NELL1: variants seen among roughly 807,000 people sequenced by gnomAD.
NELL1 encodes protein kinase C-binding protein NELL1.
A neutral mutation model predicts 107.4 loss-of-function variants in NELL1; 76 were observed. The ratio of observed to expected loss-of-function variants is 0.71; its 90% CI spans 0.59 to 0.86. The LOEUF (loss-of-function observed/expected upper bound fraction) is 0.86, where lower values mean the gene tolerates loss of function less well. Ranked by LOEUF, NELL1 falls within the 40% of genes least tolerant of loss-of-function variation. The pLI, the probability that NELL1 is intolerant of heterozygous loss-of-function variation, is 0.00. For missense variants in NELL1, 1,024 were observed against 1,005.5 expected (o/e 1.02, Z -0.25); for synonymous variants, 353 against 341.2 (o/e 1.03, Z -0.38).
At chr11:21,174,622 G>C (rs1273150841) in intron 13 of NELL1, among the ~76,000 whole-genome samples, 2 of 151,698 alleles carry the variant, frequency 1.3e-5, no homozygotes, top group African/African-American at 4.9e-5. Context: ...TGGGAGTATG[G>C]GACATTGTGA....
intron 2 of NELL1, among the ~76,000 whole-genome samples, chr11:20,722,229 C>T (rs1435629908): frequency 6.6e-6 from 1 of 152,000 alleles, no homozygotes; most frequent in African/African-American, 2.4e-5. Context: ...CTGTGTTGGC[C>T]AGGCTGGTCT....
At chr11:21,376,684 A>G (rs1851489317) in intron 15 of NELL1, among the ~76,000 whole-genome samples, 1 of 152,110 alleles carries the variant, frequency 6.6e-6, no homozygotes, top group African/African-American at 2.4e-5. Flanking sequence ...ATCCATGAGC[A>G]TGGAATGTTT....
intron 11 of NELL1, among the ~76,000 whole-genome samples, chr11:20,955,328 C>T (rs1249635871): frequency 6.6e-6 from 1 of 152,134 alleles, no homozygotes; most frequent in African/African-American, 2.4e-5. Context: ...CTCATCTAGG[C>T]CTATGCATCT....
In NELL1 at chr11:20,690,447, A is replaced by G. The variant is rs1340220558; in HGVS notation, c.184+12387A>G. On this transcript the variant is annotated intron_variant, in intron 2 of 19. Transcript: ENST00000357134. ...TGTTTAAGTCTTTAATCCATCTTGA[A>G]TTAATTTTTGTATAAGGTGTAAGGA... Among the ~76,000 whole-genome samples the G allele has an allele frequency of 2.6e-5, 4 of 151,956 alleles. No individual in the cohort carries two copies. In the East Asian group the frequency reaches 7.7e-4, roughly 29 times the overall value.
At chr11:20,726,296 A>T (rs1312572556) in intron 2 of NELL1, among the ~76,000 whole-genome samples, 1 of 152,174 alleles carries the variant, frequency 6.6e-6, no homozygotes, top group African/African-American at 2.4e-5. Context: ...TTTTTTTATT[A>T]AAAATATTTT....
chr11:21,564,032 G>C, intron 17 of NELL1, among the ~76,000 whole-genome samples: 1 of 151,936 alleles, frequency 6.6e-6, no homozygotes, highest in East Asian at 2.0e-4. Flanking sequence ...TGAGCCAGGA[G>C]ATTATGATGA....
intron 15 of NELL1, among the ~76,000 whole-genome samples, chr11:21,447,563 G>A (rs1446131696): frequency 6.6e-6 from 1 of 152,176 alleles, no homozygotes. Flanking sequence ...ATCCTACTGA[G>A]GCTGAGCTGG....
intron 12 of NELL1, among the ~76,000 whole-genome samples, chr11:21,031,299 C>A (rs1852950838): frequency 6.6e-6 from 1 of 152,192 alleles, no homozygotes; most frequent in Non-Finnish European, 1.5e-5. Flanking sequence ...AAATCCCTGA[C>A]TGTTCCCTTT....
At chr11:21,073,412 G>T (rs116411174) in intron 12 of NELL1, among the ~76,000 whole-genome samples, 1,687 of 152,228 alleles carry the variant, frequency 0.011, 25 homozygotes, top group African/African-American at 0.036. Flanking sequence ...GGGAATCTAT[G>T]GTTGGATATA....
At chr11:20,734,548 T>G (rs1383107898) in intron 2 of NELL1, among the ~76,000 whole-genome samples, 1 of 152,148 alleles carries the variant, frequency 6.6e-6, no homozygotes, top group East Asian at 1.9e-4. Context: ...TTGGATGTGA[T>G]GGATTGGATA....
chr11:21,342,162 T>A (rs1276556528), intron 14 of NELL1, among the ~76,000 whole-genome samples: 12 of 152,178 alleles, frequency 7.9e-5, no homozygotes, highest in Admixed American at 3.3e-4. Context: ...AAACCCTCAT[T>A]CCTGGTTGGA....
chr11:21,169,913 G>A, intron 13 of NELL1: 5 of 1,463,616 alleles, frequency 3.4e-6, no homozygotes, highest in South Asian at 1.2e-5. Flanking sequence ...GTCCACCGAT[G>A]CCTTTTATGG....
At chr11:21,037,428 A>C (rs1853122806) in intron 12 of NELL1, among the ~76,000 whole-genome samples, 1 of 152,002 alleles carries the variant, frequency 6.6e-6, no homozygotes. Context: ...GCCTGTGCTT[A>C]TACAATTCTA....
intron 15 of NELL1, among the ~76,000 whole-genome samples, chr11:21,400,917 A>G (rs1852082715): frequency 6.6e-6 from 1 of 151,904 alleles, no homozygotes; most frequent in African/African-American, 2.4e-5. Flanking sequence ...GAGAGGAGCC[A>G]GGGAAGGGGG....
intron 15 of NELL1, among the ~76,000 whole-genome samples, chr11:21,516,748 C>T (rs1056424600): frequency 1.4e-5 from 2 of 144,510 alleles, no homozygotes; most frequent in East Asian, 4.6e-4. Flanking sequence ...CATACACACA[C>T]ACACACACAC....
intron 15 of NELL1, among the ~76,000 whole-genome samples, chr11:21,505,075 C>T (rs1198111171): frequency 1.3e-5 from 2 of 152,118 alleles, no homozygotes; most frequent in Non-Finnish European, 2.9e-5. Context: ...TTTACTTCTT[C>T]ATTGCTGTGG....
intron 14 of NELL1, among the ~76,000 whole-genome samples, chr11:21,352,058 TG>T (rs1850830395): frequency 6.6e-6 from 1 of 152,174 alleles, no homozygotes; most frequent in South Asian, 2.1e-4. Context: ...GAAGCCTTTA[TG>T]CTAAGCTATT....
intron 15 of NELL1, among the ~76,000 whole-genome samples, chr11:21,502,444 A>C (rs1590985177): frequency 1.3e-5 from 2 of 152,324 alleles, no homozygotes; most frequent in East Asian, 3.9e-4. Context: ...CCTGATTGTT[A>C]GGAACTTTCT....
intron 15 of NELL1, among the ~76,000 whole-genome samples, chr11:21,496,276 T>C (rs1854974873): frequency 6.6e-6 from 1 of 152,022 alleles, no homozygotes; most frequent in Non-Finnish European, 1.5e-5. Context: ...AATCTTTTAA[T>C]GTCTATAATT....
Sources: allele counts gnomAD v4.1 joint callset (sites outside exome capture counted in the v4.1 genomes callset), GRCh38; gene constraint gnomAD v4.1.1; transcripts MANE v1.5; gene names NCBI Gene and HGNC (gene_info 2026-07-23, HGNC 2026-07-21).